SCN2A: variants seen among roughly 807,000 people sequenced by gnomAD.
SCN2A encodes the protein sodium channel protein type 2 subunit alpha.
Under a neutral mutation model 188.7 loss-of-function variants are expected in SCN2A, and 20 were observed. That is an observed-to-expected ratio of 0.11 (90% CI 0.07 to 0.15). The LOEUF (loss-of-function observed/expected upper bound fraction) is 0.15, where lower values mean the gene tolerates loss of function less well. SCN2A is among the 10% of genes least tolerant of loss of function. SCN2A has a pLI of 1.00. For synonymous variants in SCN2A, 804 were observed against 833.1 expected, an observed-to-expected ratio of 0.97 and a Z score of 0.60; for missense variants, 1,278 against 2,445.0, an observed-to-expected ratio of 0.52 and a Z score of 10.07.
chr2:165,315,439 A>G (rs1384752474), intron 10 of SCN2A, 32 bp from the exon 11 acceptor site: 8 of 1,612,922 alleles, frequency 5.0e-6, no homozygotes, highest in African/African-American at 1.3e-5. Context: ...TTAAGTTTAT[A>G]TGCAACTTCC....
chr2:165,325,844 T>C (rs1374328), intron 12 of SCN2A, among the ~76,000 whole-genome samples: 37,990 of 151,998 alleles, frequency 0.25, 5,118 homozygotes, highest in East Asian at 0.41. Context: ...GTGGAAATTT[T>C]GGTTTTGAAT....
At chr2:165,341,410 TA>T (rs1375190423) in intron 14 of SCN2A, among the ~76,000 whole-genome samples, 1 of 152,156 alleles carries the variant, frequency 6.6e-6, no homozygotes, top group African/African-American at 2.4e-5. Flanking sequence ...GTGATATTTT[TA>T]AGGGAGAGAA....
At chr2:165,293,420 C>T (rs543296150) in intron 1 of SCN2A, among the ~76,000 whole-genome samples, 97 of 152,260 alleles carry the variant, frequency 6.4e-4, no homozygotes, top group African/African-American at 2.2e-3. Context: ...GAGCCTATTA[C>T]ACAACTAGGT....
intron 1 of SCN2A, among the ~76,000 whole-genome samples, chr2:165,254,359 T>A (rs1694227738): frequency 6.6e-6 from 1 of 151,818 alleles, no homozygotes; most frequent in African/African-American, 2.4e-5. Flanking sequence ...AGTTTATAAC[T>A]GTATTCATTA....
intron 15 of SCN2A, 96 bp downstream of exon 15, chr2:165,342,565 A>G (rs1300746574): frequency 7.7e-7 from 1 of 1,302,410 alleles, no homozygotes; most frequent in African/African-American, 1.5e-5. Flanking sequence ...TCATTATAAT[A>G]TTATTTGAAT....
intron 16 of SCN2A, among the ~76,000 whole-genome samples, chr2:165,349,948 T>C (rs1699799656): frequency 6.6e-6 from 1 of 152,222 alleles, no homozygotes; most frequent in Admixed American, 6.5e-5. Flanking sequence ...ACACATGAAC[T>C]ATCAGATGTG....
At chr2:165,351,782 A>G (rs1048626128) in intron 16 of SCN2A, among the ~76,000 whole-genome samples, 2 of 152,040 alleles carry the variant, frequency 1.3e-5, no homozygotes, top group Non-Finnish European at 2.9e-5. Flanking sequence ...TATTGTTATT[A>G]TGATCTGGTA....
At chr2:165,255,965 G>T (rs1229964681) in intron 1 of SCN2A, among the ~76,000 whole-genome samples, 2 of 125,470 alleles carry the variant, frequency 1.6e-5, no homozygotes, top group Non-Finnish European at 3.2e-5. Context: ...ACCTTCTCTA[G>T]CTCAACAGGA....
At chr2:165,346,430 T>C (rs562045163) in intron 16 of SCN2A, among the ~76,000 whole-genome samples, 1 of 152,316 alleles carries the variant, frequency 6.6e-6, no homozygotes, top group Admixed American at 6.5e-5. Context: ...TCTCTAATCT[T>C]ATCTTCATGC....
intron 1 of SCN2A, among the ~76,000 whole-genome samples, chr2:165,280,660 T>G (rs375524514): frequency 3.1e-4 from 47 of 152,314 alleles, no homozygotes; most frequent in South Asian, 2.5e-3. Flanking sequence ...ATACATAATT[T>G]GTACTCCAAA....
chr2:165,249,876 A>G (rs1306295566), intron 1 of SCN2A, among the ~76,000 whole-genome samples: 1 of 152,080 alleles, frequency 6.6e-6, no homozygotes, highest in Non-Finnish European at 1.5e-5. Flanking sequence ...CTGAAAAAAA[A>G]TTCCACTGAA....
At chr2:165,384,015 A>G (rs1240256142) in intron 25 of SCN2A, among the ~76,000 whole-genome samples, 2 of 152,112 alleles carry the variant, frequency 1.3e-5, no homozygotes, top group African/African-American at 2.4e-5. Flanking sequence ...AATTTTAGAG[A>G]GGAAAAGATC....
At chr2:165,291,545 CTT>C (rs1696189432) in intron 1 of SCN2A, among the ~76,000 whole-genome samples, 2 of 99,550 alleles carry the variant, frequency 2.0e-5, no homozygotes, top group African/African-American at 7.3e-5. Flanking sequence ...TCCTTCCTTC[CTT>C]CCTTCCTTCC....
At chr2:165,243,429 C>A (rs1379771032) in intron 1 of SCN2A, among the ~76,000 whole-genome samples, 1 of 151,824 alleles carries the variant, frequency 6.6e-6, no homozygotes, top group Non-Finnish European at 1.5e-5. Flanking sequence ...ATGCTGAAAC[C>A]CTGTCTCTAC....
chr2:165,326,878 A>G lies in SCN2A; in HGVS notation c.2043A>G (p.Arg681=), dbSNP rs1384019842. The G allele has an allele frequency of 3.7e-6, 6 of 1,614,040 alleles. No individual in the cohort carries two copies. Among genetic ancestry groups the G allele is most frequent in the Non-Finnish European group, 5.1e-6 (6 of 1,179,936 alleles). ...PEGTTTETEI[R]KRRSSSYHVS... is the part of the protein sequence containing the mutation. The stretch of plus-strand genomic sequence containing the variant: ...GCACAACTACTGAAACAGAAATAAG[A>G]AAGAGACGGTCCAGTTCTTATCATG... The change falls in exon 13 of 27, where the codon AGA becomes AGG. Residue 681 remains arginine (R), a synonymous_variant. Transcript: ENST00000375437.
intron 25 of SCN2A, among the ~76,000 whole-genome samples, chr2:165,386,507 G>A (rs976085591): frequency 2.6e-5 from 4 of 151,626 alleles, no homozygotes; most frequent in African/African-American, 9.7e-5. Flanking sequence ...GATAAGATTT[G>A]AGATCTGACA....
chr2:165,262,439 A>G (rs1392337311), intron 1 of SCN2A, among the ~76,000 whole-genome samples: 1 of 152,072 alleles, frequency 6.6e-6, no homozygotes, highest in Non-Finnish European at 1.5e-5. Context: ...CTCATAGCTT[A>G]GCTCCCATTT....
chr2:165,254,633 C>A (rs1694240361), intron 1 of SCN2A, among the ~76,000 whole-genome samples: 1 of 151,592 alleles, frequency 6.6e-6, no homozygotes, highest in African/African-American at 2.4e-5. Flanking sequence ...TATTAATTTC[C>A]TGATCAAGTT....
chr2:165,346,618 A>T (rs1440465699), intron 16 of SCN2A, among the ~76,000 whole-genome samples: 1 of 152,220 alleles, frequency 6.6e-6, no homozygotes, highest in African/African-American at 2.4e-5. Flanking sequence ...GATCTAATTA[A>T]ACTAAAGAGC....
Sources: allele counts gnomAD v4.1 joint callset (sites outside exome capture counted in the v4.1 genomes callset), GRCh38; gene constraint gnomAD v4.1.1; transcripts MANE v1.5; gene names NCBI Gene and HGNC (gene_info 2026-07-23, HGNC 2026-07-21).